Variants in CLIP2 observed in about 807,000 individuals in gnomAD.
The protein encoded by CLIP2 is CAP-Gly domain-containing linker protein 2.
CLIP2 carries 41 observed loss-of-function variants against 111.7 expected under a neutral mutation model. That is an observed-to-expected ratio of 0.37 (90% CI 0.29 to 0.48). The LOEUF (loss-of-function observed/expected upper bound fraction) is 0.48, where lower values mean the gene tolerates loss of function less well. Ranked by LOEUF, CLIP2 falls within the 20% of genes least tolerant of loss-of-function variation. CLIP2 has a pLI of 0.99. For synonymous variants in CLIP2, 660 were observed against 644.2 expected (o/e 1.02, Z -0.37); for missense variants, 1,160 against 1,422.1 (o/e 0.82, Z 2.96).
chr7:74,361,931 T>C (rs1790340203), intron 7 of CLIP2, among the ~76,000 whole-genome samples: 1 of 151,830 alleles, frequency 6.6e-6, no homozygotes, highest in African/African-American at 2.4e-5. Flanking sequence ...TGAAACCCTG[T>C]CTCTACTAAA....
chr7:74,357,351 G>A lies in CLIP2; in HGVS notation c.1089G>A (p.Glu363=), dbSNP rs781857806. 7.4e-6 allele frequency: 12 copies of A among 1,614,062 alleles called. No individual in the cohort carries two copies. The East Asian group carries it at 2.7e-4, about 36-fold the overall frequency. ...CGGCCTTGCAGGAGGCACTGAAGGAGAAGCAGCAGCACATTGAGCAGCTGC... is the reference window on the plus strand; with the variant it reads ...CGGCCTTGCAGGAGGCACTGAAGGAAAAGCAGCAGCACATTGAGCAGCTGC... ...GTTALQEALK[E]KQQHIEQLLA... The change falls in exon 6 of 17, where the codon GAG becomes GAA. Residue 363 remains glutamate, a synonymous_variant. Transcript: ENST00000223398.
chr7:74,305,849 A>C (rs1330352312), intron 1 of CLIP2, among the ~76,000 whole-genome samples: 2,285 of 57,248 alleles, frequency 0.04, no homozygotes, highest in Middle Eastern at 0.047. Context: ...CTCTCCCTGC[A>C]CCCCAACCCC....
intron 10 of CLIP2, chr7:74,380,165 C>A (rs956445836): frequency 2.0e-5 from 3 of 152,050 alleles, no homozygotes; most frequent in African/African-American, 7.2e-5. Context: ...CGGAGGACAG[C>A]CAGCCTGGGC....
rs552836824 is a variant in CLIP2 at position 74,353,837 on chromosome 7, G to T, written c.679-43G>T. On this transcript the variant is annotated intron_variant, in intron 3 of 16. Coordinates refer to ENST00000223398, the MANE Select transcript of CLIP2 (RefSeq NM_003388.5). ...GGGTGCCCCTGCCATCTCTGCCTGT[G>T]CCACTGCATCCTCTAGACCTGAGTC... The T allele has an allele frequency of 5.0e-6, 8 of 1,613,808 alleles. No homozygotes were observed. The Admixed American group carries it at 1.2e-4, about 24-fold the overall frequency.
chr7:74,335,550 GGCTGTTCTT>G (rs11278552), intron 2 of CLIP2, among the ~76,000 whole-genome samples: 8,424 of 151,342 alleles, frequency 0.056, 563 homozygotes, highest in East Asian at 0.34. Context: ...ATGTTGTGCA[GGCTGTTCTT>G]GAACTCCTGG....
At chr7:74,321,338 T>G (rs1223726456) in intron 2 of CLIP2, among the ~76,000 whole-genome samples, 1 of 152,156 alleles carries the variant, frequency 6.6e-6, no homozygotes, top group Non-Finnish European at 1.5e-5. Flanking sequence ...CAGGATTCCG[T>G]GAAGGATGGA....
At chr7:74,337,050 T>G (rs549053955) in intron 2 of CLIP2, among the ~76,000 whole-genome samples, 3 of 152,034 alleles carry the variant, frequency 2.0e-5, no homozygotes, top group Admixed American at 2.0e-4. Context: ...CACATCCGGC[T>G]AATTTTTTTG....
At chr7:74,335,690 T>TTCCTTCCTTC (rs1554731987) in intron 2 of CLIP2, among the ~76,000 whole-genome samples, 1 of 77,894 alleles carries the variant, frequency 1.3e-5, no homozygotes, top group African/African-American at 3.6e-5. Context: ...TTCCTTCCTT[T>TTCCTTCCTTC]CTCTTTTTTT....
At chr7:74,399,730 G>C (rs2116712092) in intron 14 of CLIP2, among the ~76,000 whole-genome samples, 1 of 152,026 alleles carries the variant, frequency 6.6e-6, no homozygotes, top group African/African-American at 2.4e-5. Flanking sequence ...AGTAGAAATG[G>C]GGTTTTACCA....
chr7:74,360,233 G>T lies in CLIP2; in HGVS notation c.1274G>T (p.Arg425Leu). ...GCCCGGCTGCTCGTGGAGAGCGTGC[G>T]GAAAGAGAAGGTGGACCTGTCCAAC... ...QRARLLVESV[R>L]KEKVDLSNQL... The change falls in exon 7 of 17, where the codon CGG becomes CTG. Residue 425 changes from arginine (R) to leucine (L), a missense_variant. Transcript: ENST00000223398. The T allele has an allele frequency of 6.2e-7, 1 of 1,607,108 alleles. No homozygotes were observed. The highest frequency in any genetic ancestry group is 1.1e-5 in the South Asian group (1 of 89,446).
In CLIP2 at chr7:74,376,789, G is replaced by T. The variant is rs756262001; in HGVS notation, c.2388G>T (p.Ala796=). The part of the protein sequence containing the change: ...KLLVAENRLQ[A]VEALCSSQHT... ...TGGTGGCTGAGAACAGACTCCAGGC[G>T]GTCGAGGCCCTGTGCTCCTCCCAGC... Residue 796 remains alanine, a synonymous_variant, in exon 10 of 17, where the codon GCG becomes GCT. Transcript: ENST00000223398. The surrounding 1 kb of genome is among the most constrained non-coding windows in gnomAD (Gnocchi z 7.1). 1.2e-6 allele frequency: 2 copies of T among 1,607,138 alleles called. No individual in the cohort carries two copies. Among genetic ancestry groups the T allele is most frequent in the African/African-American group, 1.3e-5 (1 of 74,848 alleles).
At chr7:74,348,975 C>T (rs1203331536) in intron 3 of CLIP2, among the ~76,000 whole-genome samples, 6 of 150,390 alleles carry the variant, frequency 4.0e-5, no homozygotes, top group African/African-American at 7.4e-5. Flanking sequence ...GGTGAAACCT[C>T]GCCTATACAA....
intron 11 of CLIP2, among the ~76,000 whole-genome samples, chr7:74,382,582 G>T (rs1187041760): frequency 6.6e-6 from 1 of 150,974 alleles, no homozygotes; most frequent in Non-Finnish European, 1.5e-5. Context: ...AAAGTGCTGG[G>T]ATTACAGGCA....
At chr7:74,361,152 TTCCCTCCC>T (rs1298175987) in intron 7 of CLIP2, among the ~76,000 whole-genome samples, 2 of 37,402 alleles carry the variant, frequency 5.3e-5, no homozygotes, top group Non-Finnish European at 1.4e-4. Context: ...TCCTTCCTTC[TTCCCTCCC>T]TCCCTCCCTC....
intron 1 of CLIP2, among the ~76,000 whole-genome samples, chr7:74,316,055 C>T (rs1584319178): frequency 7.2e-6 from 1 of 138,676 alleles, no homozygotes; most frequent in East Asian, 2.3e-4. Context: ...CCACAACAGG[C>T]CCCATTGTGT....
At chr7:74,402,472 G>A (rs1056899867) in intron 16 of CLIP2, among the ~76,000 whole-genome samples, 14 of 152,014 alleles carry the variant, frequency 9.2e-5, no homozygotes, top group African/African-American at 3.1e-4. Context: ...AGCCGAGATC[G>A]CACCATTGCA....
intron 14 of CLIP2, 108 bp downstream of exon 14, chr7:74,397,341 G>A: frequency 1.0e-5 from 12 of 1,158,442 alleles, no homozygotes; most frequent in Non-Finnish European, 1.5e-5. Flanking sequence ...ATGACCCCAG[G>A]GACAGCTGAG....
At chr7:74,366,020 A>G (rs1392980163) in intron 8 of CLIP2, among the ~76,000 whole-genome samples, 2 of 152,010 alleles carry the variant, frequency 1.3e-5, no homozygotes, top group East Asian at 3.9e-4. Flanking sequence ...GGTTCAAGCA[A>G]TCCTGCCTCA....
In CLIP2 at chr7:74,338,566, G is replaced by A; in HGVS notation, c.240G>A (p.Val80=). 6.3e-6 allele frequency: 10 copies of A among 1,584,572 alleles called. No homozygotes were observed. The highest frequency in any genetic ancestry group is 1.8e-5 in the Admixed American group (1 of 54,864). Residue 80 remains valine (V), a synonymous_variant, in exon 3 of 17, where the codon GTG becomes GTA. Coordinates refer to ENST00000223398, the MANE Select transcript of CLIP2 (RefSeq NM_003388.5). The surrounding 1 kb of genome is among the most constrained non-coding windows in gnomAD (Gnocchi z 4.3). Reference sequence around the variant, plus strand: ...GGGATGACTTCCTGGGGGACTTTGTGGTGGGCGAGCGGGTGTGGGTGAACG... The same window carrying A: ...GGGATGACTTCCTGGGGGACTTTGTAGTGGGCGAGCGGGTGTGGGTGAACG... ...EVGDDFLGDF[V]VGERVWVNGV...
Sources: allele counts gnomAD v4.1 joint callset (sites outside exome capture counted in the v4.1 genomes callset), GRCh38; gene constraint gnomAD v4.1.1; non-coding constraint Gnocchi (gnomAD v3.1); transcripts MANE v1.5; gene names NCBI Gene and HGNC (gene_info 2026-07-23, HGNC 2026-07-21).